Variants in NIPBL observed in about 807,000 individuals in gnomAD.
NIPBL encodes NIPBL cohesin loading factor.
Under a neutral mutation model 321.8 loss-of-function variants are expected in NIPBL, and 19 were observed. That is an observed-to-expected ratio of 0.06 (90% confidence interval 0.04 to 0.09). The LOEUF is 0.09. Ranked by LOEUF, NIPBL falls within the 10% of genes least tolerant of loss-of-function variation. NIPBL has a pLI of 1.00. For missense variants in NIPBL, 2,210 were observed against 3,327.0 expected (o/e 0.66, Z 8.26); for synonymous variants, 1,106 against 1,114.1 (o/e 0.99, Z 0.14).
In NIPBL at chr5:36,984,942, A is replaced by C; in HGVS notation, c.1762A>C (p.Ser588Arg). The change falls in exon 10 of 47, where the codon AGT (serine) becomes CGT (arginine). Residue 588 changes from serine (S) to arginine (R), a missense_variant. Around this residue, in one of 14 missense-constraint regions of NIPBL, gnomAD observed 588 missense variants for 564.1 expected, o/e 1.04. Coordinates refer to ENST00000282516, the MANE Select transcript of NIPBL (RefSeq NM_133433.4). ...TGTTCTTCAGGAAGATATTGTTGGA[A>C]GTCTTAAATCTACACCAGAAAACCA... ...VSVLQEDIVGSLKSTPENHPE... is the reference protein window; with the variant it reads ...VSVLQEDIVGRLKSTPENHPE... The C allele has an allele frequency of 1.2e-6, 2 of 1,613,670 alleles. No individual in the cohort carries two copies. Among genetic ancestry groups the C allele is most frequent in the South Asian group, 2.2e-5 (2 of 91,070 alleles).
chr5:36,901,798 T>C (rs993841052), intron 1 of NIPBL, among the ~76,000 whole-genome samples: 1 of 152,128 alleles, frequency 6.6e-6, no homozygotes, highest in African/African-American at 2.4e-5. Flanking sequence ...GGTGAGCCAC[T>C]GCACCCAGCC....
chr5:36,945,167 G>T (rs1322208500), intron 1 of NIPBL, among the ~76,000 whole-genome samples: 3 of 152,084 alleles, frequency 2.0e-5, no homozygotes, highest in Non-Finnish European at 2.9e-5. Flanking sequence ...TAGCCTCTAT[G>T]TAAAAATAAA....
intron 1 of NIPBL, among the ~76,000 whole-genome samples, chr5:36,882,319 T>C (rs1311867293): frequency 6.6e-6 from 1 of 151,952 alleles, no homozygotes; most frequent in African/African-American, 2.4e-5. Flanking sequence ...ATATGTAGTA[T>C]TATTGAATGT....
intron 1 of NIPBL, 105 bp from the exon 2 acceptor site, chr5:36,953,513 G>A (rs1740631967): frequency 3.2e-6 from 2 of 622,540 alleles, no homozygotes; most frequent in Non-Finnish European, 5.7e-6. Flanking sequence ...TATATAGGTT[G>A]AACAAACCAA....
chr5:36,983,228 G>C (rs1176536269), intron 9 of NIPBL, among the ~76,000 whole-genome samples: 1 of 151,846 alleles, frequency 6.6e-6, no homozygotes, highest in African/African-American at 2.4e-5. Flanking sequence ...GAATTAAAAT[G>C]GTAGTGTTTT....
chr5:36,985,663 G>A lies in NIPBL; in HGVS notation c.2483G>A (p.Gly828Asp), dbSNP rs758436782. 1.2e-6 allele frequency: 2 copies of A among 1,613,842 alleles called. No individual in the cohort carries two copies. The highest frequency in any genetic ancestry group is 1.7e-5 in the Admixed American group (1 of 59,888). ...HDNKQKSDDR[G>D]ESERHRGDQS... ...AATAAACAAAAATCAGATGACAGGGGTGAATCAGAGCGACATCGAGGGGAT... is the reference window on the plus strand; with the variant it reads ...AATAAACAAAAATCAGATGACAGGGATGAATCAGAGCGACATCGAGGGGAT... Residue 828 changes from glycine (G) to aspartate (D), a missense_variant, in exon 10 of 47, where the codon GGT (glycine) becomes GAT (aspartate). Gly to Asp is a moderately conservative substitution (Grantham distance 94, BLOSUM62 -1). Coordinates refer to ENST00000282516, the MANE Select transcript of NIPBL (RefSeq NM_133433.4).
At chr5:36,956,004 G>T (rs1435249226) in intron 3 of NIPBL, among the ~76,000 whole-genome samples, 4 of 150,396 alleles carry the variant, frequency 2.7e-5, no homozygotes, top group African/African-American at 9.8e-5. Context: ...GGTGGATCAC[G>T]AGATCAAGAG....
chr5:36,933,956 T>C (rs1343389063), intron 1 of NIPBL, among the ~76,000 whole-genome samples: 5 of 152,098 alleles, frequency 3.3e-5, no homozygotes, highest in East Asian at 1.9e-4. Context: ...CTGATAGGTC[T>C]CTGTTAAAAT....
Position 36,984,185 on chromosome 5 carries a change from T to C in NIPBL, c.1496-491T>C, listed in dbSNP as rs528367909. Among the ~76,000 whole-genome samples, 234 of 152,174 alleles carry C rather than the reference T, an allele frequency of 1.5e-3. 1 individual carries two copies. Among genetic ancestry groups the C allele is most frequent in the African/African-American group, 5.5e-3 (230 of 41,582 alleles). On this transcript the variant is annotated intron_variant, in intron 9 of 46. Transcript: ENST00000282516. ...ATATATTTTCTTTCTTTTTTTTCCA[T>C]ACTTATCTTAGATACAGTAAAAACT... is the stretch of plus-strand genomic sequence containing the variant.
At chr5:37,045,305 G>A in intron 36 of NIPBL, 138 bp from the exon 37 acceptor site, 1 of 629,452 alleles carries the variant, frequency 1.6e-6, no homozygotes, top group Middle Eastern at 4.3e-4. Flanking sequence ...AGTGAGCCAA[G>A]ATCATGTCAC....
intron 1 of NIPBL, among the ~76,000 whole-genome samples, chr5:36,926,651 C>A (rs1035558903): frequency 6.6e-6 from 1 of 152,054 alleles, no homozygotes; most frequent in Non-Finnish European, 1.5e-5. Flanking sequence ...AAAGGTCAGC[C>A]CAGATTCAAA....
chr5:36,954,727 A>G (rs933780579), intron 2 of NIPBL, among the ~76,000 whole-genome samples: 7 of 152,132 alleles, frequency 4.6e-5, no homozygotes, highest in Non-Finnish European at 4.4e-5. Flanking sequence ...GTTGGTACCT[A>G]TTGAGGCTGA....
At chr5:37,004,906 A>T (rs1284825102) in intron 16 of NIPBL, among the ~76,000 whole-genome samples, 1 of 152,120 alleles carries the variant, frequency 6.6e-6, no homozygotes, top group Non-Finnish European at 1.5e-5. Flanking sequence ...ATTTTATCTT[A>T]TGAGGGAAAT....
chr5:36,958,945 G>A (rs1358362766), intron 4 of NIPBL, among the ~76,000 whole-genome samples: 2 of 152,072 alleles, frequency 1.3e-5, no homozygotes, highest in Admixed American at 6.6e-5. Flanking sequence ...GGTGACTCAC[G>A]CCTGTAATCC....
At chr5:36,915,565 T>C (rs548163835) in intron 1 of NIPBL, among the ~76,000 whole-genome samples, 4 of 152,282 alleles carry the variant, frequency 2.6e-5, no homozygotes, top group African/African-American at 7.2e-5. Context: ...CATACTCTTA[T>C]GAACAAACGC....
Position 37,000,841 on chromosome 5 carries a change from AAAAACAGAAG to A in NIPBL, c.3532_3541del (p.Gln1178GlyfsTer8). 6.2e-7 allele frequency: 1 copy of A among 1,612,148 alleles called. No individual in the cohort carries two copies. Among genetic ancestry groups the A allele is most frequent in the Non-Finnish European group, 8.5e-7 (1 of 1,178,642 alleles). ...GTTGCTAGGAAAATGAAGAAAAAAG[AAAAACAGAAG>A]AAAAGGAAAGCATATGAACCAAAAC... On this transcript the variant is annotated frameshift_variant, in exon 13 of 47. Coordinates refer to ENST00000282516, the MANE Select transcript of NIPBL (RefSeq NM_133433.4). LOFTEE classifies it high-confidence loss of function.
intron 1 of NIPBL, among the ~76,000 whole-genome samples, chr5:36,907,700 A>C (rs1747744435): frequency 1.3e-5 from 2 of 152,208 alleles, no homozygotes; most frequent in South Asian, 4.1e-4. Context: ...GCAGTCCACA[A>C]TATTTATAAT....
chr5:37,058,931 C>T lies in NIPBL; in HGVS notation c.7451C>T (p.Pro2484Leu). ...AAAAGGAAAGAGAGAAAATCATCAC[C>T]TAGTAAGGAAAATGAGTCAAGCGAC... ...KDKRKERKSS[P>L]SKENESSDSE... is the part of the protein sequence containing the mutation. The change falls in exon 44 of 47, where the codon CCT becomes CTT. Residue 2484 changes from proline (P) to leucine (L), a missense_variant. Physicochemically the swap from Pro to Leu is moderately conservative, Grantham distance 98. Coordinates refer to ENST00000282516, the MANE Select transcript of NIPBL (RefSeq NM_133433.4). 6.2e-7 allele frequency: 1 copy of T among 1,614,028 alleles called. No homozygotes were observed. The highest frequency in any genetic ancestry group is 8.5e-7 in the Non-Finnish European group (1 of 1,179,984).
At chr5:37,037,113 C>T (rs1345970440) in intron 33 of NIPBL, among the ~76,000 whole-genome samples, 2 of 151,538 alleles carry the variant, frequency 1.3e-5, no homozygotes, top group African/African-American at 2.4e-5. Flanking sequence ...TTGGGCCAGG[C>T]GTGGTGGCTC....
Sources: gnomAD v4.1 joint callset for allele counts (sites outside exome capture counted in the v4.1 genomes callset) on GRCh38, gnomAD v4.1.1 for gene constraint, gnomAD v4.1.1 regional missense constraint, MANE v1.5 for transcripts, NCBI Gene and HGNC (gene_info 2026-07-23, HGNC 2026-07-21) for gene names.